The following PRKG2 variants were observed in gnomAD, a reference collection of about 807,000 sequenced individuals.
The protein encoded by PRKG2 is cGMP-dependent protein kinase 2.
In PRKG2, 33 loss-of-function variants were observed where a neutral mutation model predicts 97.2. The ratio of observed to expected loss-of-function variants is 0.34; its 90% CI spans 0.26 to 0.45. The LOEUF is 0.45. Among genes scored for constraint, PRKG2 ranks in the 20% least tolerant of loss-of-function variants. The probability of loss-of-function intolerance (pLI) is 1.00; values close to 1 mark genes in which losing one functional copy is unlikely to be tolerated. For missense variants in PRKG2, 638 were observed against 900.0 expected (o/e 0.71, Z 3.73); for synonymous variants, 330 against 321.8 (o/e 1.03, Z -0.27).
In PRKG2 at chr4:81,174,813, T is replaced by C. The variant is rs1750783523; in HGVS notation, c.608A>G (p.Asn203Ser). 1 of 1,612,148 alleles carries C rather than the reference T, an allele frequency of 6.2e-7. No homozygotes were observed. The highest frequency in any genetic ancestry group is 1.7e-5 in the Admixed American group (1 of 59,904). Residue 203 changes from asparagine (N) to serine (S), a missense_variant, in exon 3 of 19, where the codon AAC becomes AGC. By Grantham distance (46) the Asn-to-Ser change is conservative (BLOSUM62 1). Around this residue, in one of 3 missense-constraint regions of PRKG2, gnomAD observed 332 missense variants for 421.7 expected, o/e 0.79. Coordinates refer to ENST00000264399, the MANE Select transcript of PRKG2 (RefSeq NM_006259.3). ...SYIIKQGEPG[N>S]HIFVLAEGRL... is the part of the protein sequence containing the mutation. ...CCCACCTGCCAGCACAAAGATATGG[T>C]TTCCTGGTTCTCCTTGCTTAATAAT...
At chr4:81,182,219 T>TA (rs1164470806) in intron 2 of PRKG2, among the ~76,000 whole-genome samples, 1 of 149,134 alleles carries the variant, frequency 6.7e-6, no homozygotes, top group African/African-American at 2.5e-5. Context: ...AAACAAAGTA[T>TA]AAAAAATAAA....
chr4:81,153,437 C>T (rs982842460), intron 7 of PRKG2: 7 of 477,172 alleles, frequency 1.5e-5, no homozygotes, highest in Non-Finnish European at 2.2e-5. Context: ...TACATAACAT[C>T]ACTAAGAAGT....
intron 2 of PRKG2, among the ~76,000 whole-genome samples, chr4:81,198,734 A>G (rs1400970174): frequency 6.6e-6 from 1 of 152,242 alleles, no homozygotes; most frequent in Non-Finnish European, 1.5e-5. Flanking sequence ...CTGATGCCTC[A>G]TTAGGCAAGT....
chr4:81,159,955 A>G (rs1187111888), intron 6 of PRKG2, among the ~76,000 whole-genome samples: 2 of 111,126 alleles, frequency 1.8e-5, no homozygotes, highest in African/African-American at 3.6e-5. Flanking sequence ...TCTGGGGACC[A>G]TTGTGGGGTG....
intron 14 of PRKG2, among the ~76,000 whole-genome samples, chr4:81,132,084 TC>T (rs972710486): frequency 6.6e-6 from 1 of 152,098 alleles, no homozygotes. Flanking sequence ...AGGTTTTTTT[TC>T]AGTGATATTT....
chr4:81,170,325 A>AT (rs982811040), intron 4 of PRKG2, among the ~76,000 whole-genome samples: 1 of 151,378 alleles, frequency 6.6e-6, no homozygotes, highest in Non-Finnish European at 1.5e-5. Context: ...TTTTGAGATA[A>AT]TTTTTTTTTA....
In PRKG2 at chr4:81,119,678, A is replaced by T. The variant is rs1013418829; in HGVS notation, c.1777-9067T>A. On this transcript the variant is annotated intron_variant, in intron 14 of 18. Coordinates refer to ENST00000264399, the MANE Select transcript of PRKG2 (RefSeq NM_006259.3). Reference sequence around the variant, plus strand: ...GAGATTTTGATTGAAACTGAATTGAATTTTTTTTTTTTTTTAGGCGGAGTC... The same window carrying T: ...GAGATTTTGATTGAAACTGAATTGATTTTTTTTTTTTTTTTAGGCGGAGTC... Among the ~76,000 whole-genome samples the T allele has an allele frequency of 1.2e-3, 171 of 144,176 alleles. 1 individual carries two copies. Among genetic ancestry groups the T allele is most frequent in the African/African-American group, 4.1e-3 (160 of 39,492 alleles). The allele number at this position is 144,176 out of a possible 152,430, so 94.6% of individuals were successfully genotyped here. A position where few individuals can be genotyped will look rare whatever the true frequency, so the allele number is the denominator to read the frequency against.
chr4:81,179,940 T>TGAGACCAGCTTGGCC (rs1369808655), intron 2 of PRKG2, among the ~76,000 whole-genome samples: 73 of 152,026 alleles, frequency 4.8e-4, no homozygotes, highest in African/African-American at 1.7e-3. Context: ...GTCAGGAGTT[T>TGAGACCAGCTTGGCC]GAGACCAGCT....
At chr4:81,146,138 G>C (rs1225917503) in intron 9 of PRKG2, among the ~76,000 whole-genome samples, 2 of 152,056 alleles carry the variant, frequency 1.3e-5, no homozygotes, top group African/African-American at 2.4e-5. Flanking sequence ...CTCTTACTTT[G>C]TTTTACTTTT....
chr4:81,133,026 C>A (rs1746329585), intron 14 of PRKG2, among the ~76,000 whole-genome samples: 2 of 151,996 alleles, frequency 1.3e-5, no homozygotes, highest in Admixed American at 1.3e-4. Flanking sequence ...AACTTTAGAT[C>A]CAGTAGTTCT....
chr4:81,100,184 G>C (rs534565060), intron 17 of PRKG2, among the ~76,000 whole-genome samples: 322 of 152,076 alleles, frequency 2.1e-3, no homozygotes, highest in African/African-American at 7.4e-3. Flanking sequence ...AGCTACCAAT[G>C]ACTTTCTTCA....
chr4:81,097,551 A>G (rs960353490), intron 17 of PRKG2, among the ~76,000 whole-genome samples: 1 of 152,178 alleles, frequency 6.6e-6, no homozygotes, highest in Non-Finnish European at 1.5e-5. Context: ...GAAGCTAGAT[A>G]TTAGCTTCTC....
chr4:81,188,649 T>C (rs1197641556), intron 2 of PRKG2, among the ~76,000 whole-genome samples: 2 of 126,852 alleles, frequency 1.6e-5, no homozygotes, highest in Non-Finnish European at 3.0e-5. Context: ...ATAGACTGGA[T>C]TAAGAAAATG....
intron 2 of PRKG2, chr4:81,175,637 G>C (rs1264205545): frequency 6.6e-6 from 1 of 152,062 alleles, no homozygotes; most frequent in Non-Finnish European, 1.5e-5. Context: ...GTCTAGGTTT[G>C]ACTAGGTTTT....
intron 6 of PRKG2, among the ~76,000 whole-genome samples, chr4:81,160,226 T>C (rs1749499060): frequency 6.6e-6 from 1 of 152,148 alleles, no homozygotes; most frequent in Admixed American, 6.5e-5. Flanking sequence ...ATTACACACC[T>C]GTTTTAGCAT....
In PRKG2 at chr4:81,201,808, G is replaced by A. The variant is rs80002852; in HGVS notation, c.461+2779C>T. On this transcript the variant is annotated intron_variant, in intron 2 of 18. Coordinates refer to ENST00000264399, the MANE Select transcript of PRKG2 (RefSeq NM_006259.3). Reference sequence around the variant, plus strand: ...GCTAGGAGTCTCCCCTCAGTTTCTTGCTCACTGTTAAGTGTTCATCAGAAA... The same window carrying A: ...GCTAGGAGTCTCCCCTCAGTTTCTTACTCACTGTTAAGTGTTCATCAGAAA... Among the ~76,000 whole-genome samples the A allele has an allele frequency of 4.8e-3, 726 of 152,164 alleles. 30 individuals are homozygous for A. The East Asian group carries it at 0.1, about 22-fold the overall frequency.
At chr4:81,194,299 T>C (rs1752799660) in intron 2 of PRKG2, among the ~76,000 whole-genome samples, 1 of 151,940 alleles carries the variant, frequency 6.6e-6, no homozygotes, top group South Asian at 2.1e-4. Context: ...AAGAGTGGAG[T>C]TGGAAAACGT....
At position 81,107,976 on chromosome 4, in the gene PRKG2, G is replaced by A. The variant is rs1448491134; in HGVS notation, c.1941-2041C>T. 4.6e-5 allele frequency among the ~76,000 whole-genome samples: 7 copies of A among 152,000 alleles called. No individual in the cohort carries two copies. In the East Asian group the frequency reaches 1.2e-3, roughly 25 times the overall value. ...TCCTAGCACTTTGAGAGAATGAGGC[G>A]GGAAGATTACCTGAGGTTAGAAGTT... On this transcript the variant is annotated intron_variant, in intron 15 of 18. Coordinates refer to ENST00000264399, the MANE Select transcript of PRKG2 (RefSeq NM_006259.3).
At chr4:81,123,468 G>A (rs536320966) in intron 14 of PRKG2, among the ~76,000 whole-genome samples, 13 of 152,282 alleles carry the variant, frequency 8.5e-5, no homozygotes, top group South Asian at 4.1e-4. Context: ...GCAGTGGCAC[G>A]ATCTCGGCTC....
Sources: allele counts gnomAD v4.1 joint callset (sites outside exome capture counted in the v4.1 genomes callset), GRCh38; gene constraint gnomAD v4.1.1; regional missense constraint gnomAD v4.1.1; transcripts MANE v1.5; gene names NCBI Gene and HGNC (gene_info 2026-07-23, HGNC 2026-07-21).